Variants in LMBRD1 observed in about 807,000 individuals in gnomAD.
LMBRD1 encodes LMBR1 domain containing 1.
Under a neutral mutation model 74.8 loss-of-function variants are expected in LMBRD1, and 64 were observed. That is an observed-to-expected ratio of 0.86 (90% CI 0.70 to 1.05). The LOEUF is 1.05. LMBRD1 is among the 50% of genes least tolerant of loss of function. The pLI is 0.00. For synonymous variants in LMBRD1, 204 were observed against 216.3 expected (o/e 0.94, Z 0.50); for missense variants, 652 against 645.9 (o/e 1.01, Z -0.10).
intron 2 of LMBRD1, among the ~76,000 whole-genome samples, chr6:69,789,124 T>A (rs1448735858): frequency 6.6e-6 from 1 of 152,224 alleles, no homozygotes; most frequent in Non-Finnish European, 1.5e-5. Context: ...ACTTGCTAAA[T>A]GGTGTACAGA....
chr6:69,732,432 T>C (rs1355662957), intron 7 of LMBRD1, among the ~76,000 whole-genome samples: 3 of 152,132 alleles, frequency 2.0e-5, no homozygotes, highest in Non-Finnish European at 2.9e-5. Context: ...ACCAGACACC[T>C]TGATGTTGTA....
chr6:69,718,808 A>AG (rs1766549077), intron 8 of LMBRD1, 148 bp downstream of exon 8: 4 of 761,584 alleles, frequency 5.3e-6, no homozygotes, highest in South Asian at 4.7e-5. Context: ...GATTTAAGTG[A>AG]GGACACAGTC....
chr6:69,782,536 C>T (rs1765858170), intron 2 of LMBRD1, among the ~76,000 whole-genome samples: 1 of 152,048 alleles, frequency 6.6e-6, no homozygotes, highest in South Asian at 2.1e-4. Context: ...GAGTTTGAGG[C>T]CAGGCATTGT....
At chr6:69,760,191 C>T (rs976475732) in intron 3 of LMBRD1, among the ~76,000 whole-genome samples, 1 of 152,182 alleles carries the variant, frequency 6.6e-6, no homozygotes, top group Non-Finnish European at 1.5e-5. Context: ...CAAGAATGTT[C>T]ATTGCACAAT....
intron 2 of LMBRD1, among the ~76,000 whole-genome samples, chr6:69,784,923 A>G (rs1240913597): frequency 6.6e-6 from 1 of 152,094 alleles, no homozygotes; most frequent in Non-Finnish European, 1.5e-5. Flanking sequence ...ACAAATAAAA[A>G]CACCTCCATT....
chr6:69,688,863 C>T lies in LMBRD1; in HGVS notation c.1417+8700G>A, dbSNP rs538024328. On this transcript the variant is annotated intron_variant, in intron 14 of 15. Transcript: ENST00000649934. Reference sequence around the variant, plus strand: ...ATATATACTCTTTCACCTACTTTCACGGTGTTTACTTTTCTATGTCAAAAC... The same window carrying T: ...ATATATACTCTTTCACCTACTTTCATGGTGTTTACTTTTCTATGTCAAAAC... Among the ~76,000 whole-genome samples, 10 of 152,136 alleles carry T rather than the reference C, an allele frequency of 6.6e-5. No individual in the cohort carries two copies. The East Asian group carries it at 9.7e-4, about 15-fold the overall frequency.
intron 2 of LMBRD1, among the ~76,000 whole-genome samples, chr6:69,782,115 C>T (rs1765844229): frequency 6.6e-6 from 1 of 152,052 alleles, no homozygotes; most frequent in African/African-American, 2.4e-5. Context: ...AGATAGTCTA[C>T]CATGTAGACA....
chr6:69,687,991 T>C (rs1017115924), intron 14 of LMBRD1, among the ~76,000 whole-genome samples: 1 of 152,134 alleles, frequency 6.6e-6, no homozygotes, highest in Admixed American at 6.5e-5. Flanking sequence ...GTGAAGTAGA[T>C]AGTCCATATT....
Position 69,692,590 on chromosome 6 carries a change from T to C in LMBRD1, c.1417+4973A>G, listed in dbSNP as rs186469398. Among the ~76,000 whole-genome samples the C allele has an allele frequency of 4.1e-4, 63 of 152,248 alleles. 1 individual carries two copies. Among genetic ancestry groups the C allele is most frequent in the Middle Eastern group, 3.4e-3 (1 of 294 alleles). On this transcript the variant is annotated intron_variant, in intron 14 of 15. Coordinates refer to ENST00000649934, the MANE Select transcript of LMBRD1 (RefSeq NM_018368.4). Reference sequence around the variant, plus strand: ...CATTGCTATGATAACATACCAAATATATTTATGTCCTTATGCCTGGTTAAT... The same window carrying C: ...CATTGCTATGATAACATACCAAATACATTTATGTCCTTATGCCTGGTTAAT...
In LMBRD1 at chr6:69,772,334, A is replaced by G. The variant is rs903798851; in HGVS notation, c.307+8160T>C. 4.6e-5 allele frequency among the ~76,000 whole-genome samples: 7 copies of G among 152,330 alleles called. No individual in the cohort carries two copies. In the East Asian group the frequency reaches 1.2e-3, roughly 25 times the overall value. On this transcript the variant is annotated intron_variant, in intron 3 of 15. Coordinates refer to ENST00000649934, the MANE Select transcript of LMBRD1 (RefSeq NM_018368.4). ...TCAGAAGAAAGAGAACGAACCAACA[A>G]AGGAAACTCAAAAGGCACAACCAAG...
chr6:69,763,216 T>G, intron 3 of LMBRD1, among the ~76,000 whole-genome samples: 1 of 136,132 alleles, frequency 7.3e-6, no homozygotes, highest in African/African-American at 2.8e-5. Context: ...CCTGACTGCT[T>G]AGAATAAAAA....
intron 9 of LMBRD1, chr6:69,705,157 C>A: frequency 2.1e-6 from 1 of 484,006 alleles, no homozygotes; most frequent in Non-Finnish European, 3.8e-6. Flanking sequence ...GGCAATGGAG[C>A]CTGGACAACA....
At chr6:69,794,269 T>C (rs1766161444) in intron 1 of LMBRD1, among the ~76,000 whole-genome samples, 1 of 152,184 alleles carries the variant, frequency 6.6e-6, no homozygotes, top group Non-Finnish European at 1.5e-5. Flanking sequence ...CAGTAATCAT[T>C]GTATTCTTCA....
At chr6:69,783,165 T>C (rs1043382340) in intron 2 of LMBRD1, among the ~76,000 whole-genome samples, 5 of 152,044 alleles carry the variant, frequency 3.3e-5, no homozygotes, top group African/African-American at 1.2e-4. Context: ...AAACATATTA[T>C]AGAAAAAATG....
Position 69,714,174 on chromosome 6 carries a change from T to A in LMBRD1, c.763-377A>T, listed in dbSNP as rs147563524. ...TCACTGTATCACTTATTTCAATATATTTGGCTCTGCCCCTTCCCTCTCTTT... is the reference window on the plus strand; with the variant it reads ...TCACTGTATCACTTATTTCAATATAATTGGCTCTGCCCCTTCCCTCTCTTT... On this transcript the variant is annotated intron_variant, in intron 8 of 15. Coordinates refer to ENST00000649934, the MANE Select transcript of LMBRD1 (RefSeq NM_018368.4). Among the ~76,000 whole-genome samples the A allele has an allele frequency of 3.5e-3, 540 of 152,174 alleles. 7 individuals are homozygous for A. The highest frequency in any genetic ancestry group is 0.012 in the African/African-American group (512 of 41,558).
intron 5 of LMBRD1, among the ~76,000 whole-genome samples, chr6:69,748,297 T>A (rs1357529894): frequency 6.6e-6 from 1 of 152,142 alleles, no homozygotes; most frequent in Non-Finnish European, 1.5e-5. Flanking sequence ...GACCTCGATG[T>A]TAACAAGGGA....
intron 7 of LMBRD1, among the ~76,000 whole-genome samples, chr6:69,723,156 G>A (rs541618664): frequency 3.4e-4 from 52 of 152,214 alleles, no homozygotes; most frequent in Non-Finnish European, 5.0e-4. Flanking sequence ...CCCAACACTG[G>A]AGCACCCAGA....
chr6:69,724,522 C>T (rs1766685830), intron 7 of LMBRD1, among the ~76,000 whole-genome samples: 2 of 141,196 alleles, frequency 1.4e-5, no homozygotes, highest in South Asian at 2.4e-4. Flanking sequence ...TTGAACCATC[C>T]CTTGCACCTC....
At chr6:69,751,387 A>G (rs1368982688) in intron 4 of LMBRD1, among the ~76,000 whole-genome samples, 1 of 149,872 alleles carries the variant, frequency 6.7e-6, no homozygotes, top group Non-Finnish European at 1.5e-5. Flanking sequence ...AGCGCAGTGG[A>G]GTGATCTCGG....
Sources: allele counts gnomAD v4.1 joint callset (sites outside exome capture counted in the v4.1 genomes callset), GRCh38; gene constraint gnomAD v4.1.1; transcripts MANE v1.5; gene names NCBI Gene and HGNC (gene_info 2026-07-23, HGNC 2026-07-21).